The following ZC3H12B variants were observed in gnomAD, a reference collection of about 807,000 sequenced individuals.
ZC3H12B encodes probable ribonuclease ZC3H12B.
In ZC3H12B, 7 loss-of-function variants were observed where a neutral mutation model predicts 43.9. The observed-to-expected ratio is 0.16, with a 90% CI of 0.09 to 0.30. The LOEUF (loss-of-function observed/expected upper bound fraction) is 0.30, where lower values mean the gene tolerates loss of function less well. ZC3H12B is among the 10% of genes least tolerant of loss of function. ZC3H12B has a pLI of 1.00. For missense variants in ZC3H12B, 475 were observed against 670.2 expected (o/e 0.71, Z 3.22); for synonymous variants, 222 against 241.7 (o/e 0.92, Z 0.76).
chrX:65,045,506 T>C, the ZC3H12B span, among the ~76,000 whole-genome samples: 1 of 112,234 alleles, frequency 8.9e-6, no homozygotes, highest in African/African-American at 3.2e-5. Flanking sequence ...TCATCCATTA[T>C]TGTTTTAGCA....
the ZC3H12B span, among the ~76,000 whole-genome samples, chrX:65,127,433 T>A: frequency 2.7e-5 from 3 of 111,066 alleles, no homozygotes; most frequent in South Asian, 7.7e-4. Flanking sequence ...TCTAGGATGG[T>A]TCTTGGTTGT....
chrX:65,464,171 A>C (rs1215565956), intron 3 of ZC3H12B, among the ~76,000 whole-genome samples: 1 of 112,298 alleles, frequency 8.9e-6, no homozygotes, highest in African/African-American at 3.2e-5. Context: ...AGAGGGCCTG[A>C]TATGGATAAA....
At chrX:65,039,445 A>G in the ZC3H12B span, among the ~76,000 whole-genome samples, 1 of 111,824 alleles carries the variant, frequency 8.9e-6, no homozygotes, top group African/African-American at 3.2e-5. Context: ...CTAAAATACT[A>G]TTCACTTAAA....
At chrX:65,450,009 A>G (rs1206488835) in intron 3 of ZC3H12B, among the ~76,000 whole-genome samples, 1 of 111,179 alleles carries the variant, frequency 9.0e-6, no homozygotes, top group Non-Finnish European at 1.9e-5. Context: ...ATTGAAATAA[A>G]AAATATATAT....
chrX:65,377,925 C>T (rs1376876750), intron 2 of ZC3H12B, among the ~76,000 whole-genome samples: 1 of 110,244 alleles, frequency 9.1e-6, no homozygotes, highest in Non-Finnish European at 1.9e-5. Flanking sequence ...GGTGAAACCC[C>T]ATCTCTACTA....
intron 3 of ZC3H12B, among the ~76,000 whole-genome samples, chrX:65,416,399 C>A (rs1335836900): frequency 1.8e-5 from 2 of 111,018 alleles, no homozygotes; most frequent in Admixed American, 1.9e-4. Context: ...CCCAGATAAC[C>A]AAACTTATGA....
At chrX:65,377,417 G>T (rs1393537472) in intron 2 of ZC3H12B, among the ~76,000 whole-genome samples, 4 of 110,213 alleles carry the variant, frequency 3.6e-5, no homozygotes, top group Non-Finnish European at 5.7e-5. Context: ...GTACAAGAAG[G>T]TTACAGAACC....
chrX:65,391,854 G>A (rs1176986563), intron 2 of ZC3H12B, among the ~76,000 whole-genome samples: 5 of 111,128 alleles, frequency 4.5e-5, no homozygotes, highest in East Asian at 2.8e-4. Context: ...TTGGCTCACT[G>A]CAACCTCCCT....
At chrX:65,105,514 C>CCGGT in the ZC3H12B span, among the ~76,000 whole-genome samples, 1 of 111,431 alleles carries the variant, frequency 9.0e-6, no homozygotes, top group Admixed American at 9.6e-5. Context: ...AACTAGAAGA[C>CCGGT]CATCTTTCCC....
At chrX:65,356,462 T>C in the ZC3H12B span, among the ~76,000 whole-genome samples, 1 of 111,898 alleles carries the variant, frequency 8.9e-6, no homozygotes, top group Non-Finnish European at 1.9e-5. Flanking sequence ...AATTTAATAT[T>C]TTGCTTTCTT....
chrX:65,122,720 G>A, the ZC3H12B span, among the ~76,000 whole-genome samples: 2 of 111,202 alleles, frequency 1.8e-5, no homozygotes, highest in Non-Finnish European at 3.8e-5. Flanking sequence ...ACAAAAAAAG[G>A]CAGGGGTTGC....
the ZC3H12B span, among the ~76,000 whole-genome samples, chrX:65,192,170 T>G: frequency 9.1e-6 from 1 of 109,554 alleles, no homozygotes; most frequent in Non-Finnish European, 1.9e-5. Flanking sequence ...GAGAGATAGT[T>G]TGTTATAATT....
At chrX:65,325,184 TC>T in the ZC3H12B span, among the ~76,000 whole-genome samples, 1 of 110,880 alleles carries the variant, frequency 9.0e-6, no homozygotes, top group Admixed American at 9.7e-5. Context: ...CATCCTAATA[TC>T]CAGAATAATA....
the ZC3H12B span, among the ~76,000 whole-genome samples, chrX:65,041,030 G>A: frequency 1.8e-5 from 2 of 112,202 alleles, no homozygotes; most frequent in African/African-American, 6.5e-5. Context: ...CGCCCACCTC[G>A]GCCTCCAAAA....
At chrX:65,178,985 A>G in the ZC3H12B span, among the ~76,000 whole-genome samples, 1 of 112,333 alleles carries the variant, frequency 8.9e-6, no homozygotes, top group Non-Finnish European at 1.9e-5. Flanking sequence ...ACTATTTTCA[A>G]TAGCAAAGAC....
chrX:65,063,519 C>G, the ZC3H12B span, among the ~76,000 whole-genome samples: 14 of 112,132 alleles, frequency 1.2e-4, no homozygotes, highest in South Asian at 4.8e-3. Flanking sequence ...CCAACTTGAT[C>G]GTGGTGGATA....
chrX:65,373,971 G>GTATATATATGTTA (rs2066296441), intron 2 of ZC3H12B, among the ~76,000 whole-genome samples: 2 of 41,348 alleles, frequency 4.8e-5, no homozygotes, highest in African/African-American at 4.8e-4. Flanking sequence ...TGTATATATA[G>GTATATATATGTTA]TATATATATA....
At chrX:65,370,322 CTT>C (rs1450713315) in intron 2 of ZC3H12B, among the ~76,000 whole-genome samples, 1 of 110,985 alleles carries the variant, frequency 9.0e-6, no homozygotes, top group Non-Finnish European at 1.9e-5. Context: ...AGGTTGAACT[CTT>C]AGTTCTCTTG....
intron 3 of ZC3H12B, among the ~76,000 whole-genome samples, chrX:65,422,577 T>C (rs2067031442): frequency 1.8e-5 from 2 of 110,992 alleles, no homozygotes; most frequent in Admixed American, 1.9e-4. Context: ...GGGATACATG[T>C]GCAGAACGTG....
Sources: allele counts gnomAD v4.1 joint callset (sites outside exome capture counted in the v4.1 genomes callset), GRCh38; gene constraint gnomAD v4.1.1; transcripts MANE v1.5; gene names NCBI Gene and HGNC (gene_info 2026-07-23, HGNC 2026-07-21).